NT5DC3: variants seen among roughly 807,000 people sequenced by gnomAD.
The protein encoded by NT5DC3 is 5'-nucleotidase domain-containing protein 3.
Under a neutral mutation model 67.8 loss-of-function variants are expected in NT5DC3, and 42 were observed. That is an observed-to-expected ratio of 0.62 (90% CI 0.48 to 0.80). NT5DC3 has a LOEUF of 0.80. NT5DC3 is among the 30% of genes least tolerant of loss of function. The probability of loss-of-function intolerance (pLI) is 0.00; values close to 1 mark genes in which losing one functional copy is unlikely to be tolerated. For missense variants in NT5DC3, 570 were observed against 696.4 expected (o/e 0.82, Z 2.04); for synonymous variants, 237 against 255.6 (o/e 0.93, Z 0.69).
At chr12:103,801,523 C>T (rs1309341302) in intron 4 of NT5DC3, among the ~76,000 whole-genome samples, 1 of 151,776 alleles carries the variant, frequency 6.6e-6, no homozygotes, top group Non-Finnish European at 1.5e-5. Context: ...GCTGGGACTA[C>T]AGGCACCCAC....
rs1346099630 is a variant in NT5DC3, at chr12:103,841,230, G to A, written c.-74C>T. 2 of 490,430 alleles carry A rather than the reference G, an allele frequency of 4.1e-6. No homozygotes were observed. Among genetic ancestry groups the A allele is most frequent in the Non-Finnish European group, 7.1e-6 (2 of 280,822 alleles). The allele number at this position is 490,430 out of a possible 1,614,324, so 30.4% of individuals were successfully genotyped here. A position where few individuals can be genotyped will look rare whatever the true frequency, so the allele number is the denominator to read the frequency against. On this transcript the variant is annotated 5_prime_UTR_variant, in exon 1 of 14. Transcript: ENST00000392876. Reference sequence around the variant, plus strand: ...GCTGCCCGGCCCAAGATCTACCCGCGCTCTGCCCTGCAGGAGGGCAGCTCC... The same window carrying A: ...GCTGCCCGGCCCAAGATCTACCCGCACTCTGCCCTGCAGGAGGGCAGCTCC...
rs148093745 is a variant in NT5DC3 at position 103,826,433 on chromosome 12, G to A, written c.209-11312C>T. Among the ~76,000 whole-genome samples the A allele has an allele frequency of 2.2e-3, 337 of 152,354 alleles. 1 individual carries two copies. The highest frequency in any genetic ancestry group is 7.3e-3 in the African/African-American group (304 of 41,590). The stretch of plus-strand genomic sequence containing the variant: ...TCCTTAAGTGTGGAAAAGGAGGGCA[G>A]AAGATTCAGTGTGAGAGGGATGTGA... On this transcript the variant is annotated intron_variant, in intron 1 of 13. Transcript: ENST00000392876.
chr12:103,841,036 G>C lies in NT5DC3; in HGVS notation c.121C>G (p.Arg41Gly). The C allele has an allele frequency of 1.6e-6, 2 of 1,266,562 alleles. No individual in the cohort carries two copies. Among genetic ancestry groups the C allele is most frequent in the Non-Finnish European group, 2.0e-6 (2 of 1,007,372 alleles). The allele number at this position is 1,266,562 out of a possible 1,614,324, so 78.5% of individuals were successfully genotyped here. A position where few individuals can be genotyped will look rare whatever the true frequency, so the allele number is the denominator to read the frequency against. Residue 41 changes from arginine to glycine, a missense_variant, in exon 1 of 14, where the codon CGG (arginine) becomes GGG (glycine). By Grantham distance (125) the Arg-to-Gly change is moderately radical (BLOSUM62 -2). Around this residue, in one of 2 missense-constraint regions of NT5DC3, gnomAD observed 104 missense variants for 88.4 expected, o/e 1.18. Coordinates refer to ENST00000392876, the MANE Select transcript of NT5DC3 (RefSeq NM_001031701.3). ...GTCCCGGGTGCAGTGCACAAGGGCC[G>C]GGCGGGGCCCGCACACGGCCGCCCC... Reference protein sequence around the residue: ...ARGRPCAGPARPLCTAPGTAP... With the variant: ...ARGRPCAGPAGPLCTAPGTAP...
At chr12:103,747,492 C>T in the NT5DC3 span, among the ~76,000 whole-genome samples, 1 of 152,138 alleles carries the variant, frequency 6.6e-6, no homozygotes, top group Admixed American at 6.5e-5. Context: ...ATACCATAAG[C>T]CCAGCCTGGA....
chr12:103,749,094 C>A, the NT5DC3 span: 1 of 1,613,910 alleles, frequency 6.2e-7, no homozygotes, highest in Non-Finnish European at 8.5e-7. Context: ...AGAGATAGAC[C>A]CCTGTGCAGA....
the NT5DC3 span, chr12:103,761,435 C>T: frequency 3.0e-5 from 48 of 1,605,544 alleles, no homozygotes; most frequent in South Asian, 9.9e-5. Flanking sequence ...TCCCTGATAA[C>T]GGGCCAGGAG....
chr12:103,778,249 A>T (rs1885412255), intron 13 of NT5DC3, among the ~76,000 whole-genome samples, 168 bp from the exon 14 acceptor site: 1 of 152,086 alleles, frequency 6.6e-6, no homozygotes, highest in Admixed American at 6.5e-5. Context: ...AACAGCCTAG[A>T]GCCAGGTGTG....
chr12:103,761,252 T>C, the NT5DC3 span: 2 of 1,567,588 alleles, frequency 1.3e-6, no homozygotes, highest in Non-Finnish European at 1.8e-6. Context: ...CATGGAGGGC[T>C]GCCCACTCGG....
intron 11 of NT5DC3, among the ~76,000 whole-genome samples, chr12:103,786,157 A>G (rs1345774380): frequency 6.6e-6 from 1 of 152,174 alleles, no homozygotes; most frequent in South Asian, 2.1e-4. Flanking sequence ...TGGAAAATAC[A>G]GACAATAAAT....
downstream of NT5DC3, among the ~76,000 whole-genome samples, chr12:103,768,410 G>A (rs1265302364): frequency 6.7e-6 from 1 of 149,496 alleles, no homozygotes. Context: ...ACTCCAGCCT[G>A]GGTGACAGAG....
intron 1 of NT5DC3, among the ~76,000 whole-genome samples, chr12:103,835,972 T>C (rs561357589): frequency 1.3e-5 from 2 of 151,798 alleles, no homozygotes; most frequent in East Asian, 3.9e-4. Context: ...AACAGAAAAA[T>C]GAAGCAGCAG....
chr12:103,793,127 G>T, intron 9 of NT5DC3, 37 bp downstream of exon 9: 2 of 1,363,076 alleles, frequency 1.5e-6, no homozygotes, highest in Non-Finnish European at 1.0e-6. Context: ...AGCAGCAAAG[G>T]AATAAAATCT....
At chr12:103,799,804 C>CAAAAAA (rs72379630) in intron 4 of NT5DC3, among the ~76,000 whole-genome samples, 1 of 131,494 alleles carries the variant, frequency 7.6e-6, no homozygotes, top group Non-Finnish European at 1.6e-5. Flanking sequence ...CTCCACATAC[C>CAAAAAA]AAAAAAAAAA....
intron 12 of NT5DC3, among the ~76,000 whole-genome samples, chr12:103,783,517 G>A (rs1402214121): frequency 6.6e-6 from 1 of 152,146 alleles, no homozygotes; most frequent in African/African-American, 2.4e-5. Flanking sequence ...CCAGAACACG[G>A]TAAGTTCTTA....
intron 1 of NT5DC3, among the ~76,000 whole-genome samples, chr12:103,825,217 A>G (rs968324289): frequency 1.3e-5 from 2 of 152,164 alleles, no homozygotes; most frequent in African/African-American, 2.4e-5. Context: ...TACTCATCTG[A>G]CTAACTAATA....
chr12:103,755,624 C>A, the NT5DC3 span: 1 of 1,614,116 alleles, frequency 6.2e-7, no homozygotes, highest in Non-Finnish European at 8.5e-7. Flanking sequence ...GTGAACTGCA[C>A]CTGCAAGGTG....
At chr12:103,764,963 C>CT in the NT5DC3 span, among the ~76,000 whole-genome samples, 1 of 151,536 alleles carries the variant, frequency 6.6e-6, no homozygotes, top group Non-Finnish European at 1.5e-5. Flanking sequence ...TGGTGCCTGC[C>CT]TGTAATCCCA....
intron 13 of NT5DC3, among the ~76,000 whole-genome samples, chr12:103,779,852 T>C (rs954921): frequency 0.41 from 61,943 of 152,010 alleles, 13,714 homozygotes; most frequent in East Asian, 0.88. Flanking sequence ...TGCTTACTGA[T>C]TGCACATTCT....
At chr12:103,830,224 G>C (rs1252751147) in intron 1 of NT5DC3, among the ~76,000 whole-genome samples, 1 of 152,168 alleles carries the variant, frequency 6.6e-6, no homozygotes, top group Non-Finnish European at 1.5e-5. Context: ...ATTTGCCTAA[G>C]GTCACATGGC....
Sources: gnomAD v4.1 joint callset for allele counts (sites outside exome capture counted in the v4.1 genomes callset) on GRCh38, gnomAD v4.1.1 for gene constraint, gnomAD v4.1.1 regional missense constraint, MANE v1.5 for transcripts, NCBI Gene and HGNC (gene_info 2026-07-23, HGNC 2026-07-21) for gene names.